Variants in ANKFN1 observed in about 807,000 individuals in gnomAD.
ANKFN1 encodes the protein ankyrin repeat and fibronectin type III domain containing 1.
Under a neutral mutation model 108.7 loss-of-function variants are expected in ANKFN1, and 74 were observed. That is an observed-to-expected ratio of 0.68 (90% confidence interval 0.56 to 0.83). The LOEUF is 0.83. Ranked by LOEUF, ANKFN1 falls within the 40% of genes least tolerant of loss-of-function variation. ANKFN1 has a pLI of 0.00. For missense variants in ANKFN1, 1,505 were observed against 1,382.3 expected (o/e 1.09, Z -1.41); for synonymous variants, 547 against 516.2 (o/e 1.06, Z -0.81).
chr17:56,153,558 G>T (rs767365114), intron 1 of ANKFN1, 28 bp downstream of exon 1: 2 of 1,613,202 alleles, frequency 1.2e-6, no homozygotes, highest in Non-Finnish European at 1.7e-6. Flanking sequence ...CTAAATATCG[G>T]TAATTGGTGT....
chr17:56,091,751 C>A (rs1318940162), intron 4 of ANKFN1, among the ~76,000 whole-genome samples: 1 of 151,382 alleles, frequency 6.6e-6, no homozygotes, highest in Non-Finnish European at 1.5e-5. Context: ...GCTAAAGCAG[C>A]CAGAGACTAT....
At chr17:56,425,351 T>C (rs1286716546) in intron 8 of ANKFN1, among the ~76,000 whole-genome samples, 1 of 152,220 alleles carries the variant, frequency 6.6e-6, no homozygotes, top group African/African-American at 2.4e-5. Flanking sequence ...ATCTGACATA[T>C]ATCATTGCAC....
In ANKFN1 at chr17:56,289,345, C is replaced by T. The variant is rs576958428; in HGVS notation, c.54-36876C>T. On this transcript the variant is annotated intron_variant, in intron 3 of 20. Transcript: ENST00000682825. ...AAACAGTTTTCCATTTTTTTTCTGC[C>T]CATCACTTAGGTCTGACTAGAAGGC... Among the ~76,000 whole-genome samples, 13 of 152,052 alleles carry T rather than the reference C, an allele frequency of 8.5e-5. No individual in the cohort carries two copies. The East Asian group carries it at 2.1e-3, about 25-fold the overall frequency.
intron 4 of ANKFN1, among the ~76,000 whole-genome samples, chr17:56,107,270 T>G (rs1161996384): frequency 6.6e-6 from 1 of 152,090 alleles, no homozygotes; most frequent in Admixed American, 6.5e-5. Flanking sequence ...GCCCAAGAAC[T>G]TAGGAAGTAA....
At chr17:56,428,403 A>C (rs941959589) in intron 8 of ANKFN1, among the ~76,000 whole-genome samples, 1 of 151,072 alleles carries the variant, frequency 6.6e-6, no homozygotes, top group Middle Eastern at 3.2e-3. Context: ...CTTTTGTGAC[A>C]TTAATTATAT....
chr17:56,466,661 C>T, intron 15 of ANKFN1, 90 bp downstream of exon 15: 1 of 1,124,988 alleles, frequency 8.9e-7, no homozygotes, highest in Non-Finnish European at 1.3e-6. Flanking sequence ...GAGCCATTTA[C>T]ATATGCAGTG....
At position 56,223,731 on chromosome 17, in the gene ANKFN1, C is replaced by T. The variant is rs538723881; in HGVS notation, c.13-4186C>T. Among the ~76,000 whole-genome samples the T allele has an allele frequency of 9.9e-5, 15 of 152,184 alleles. 1 individual carries two copies. The highest frequency in any genetic ancestry group is 3.4e-4 in the African/African-American group (14 of 41,510). On this transcript the variant is annotated intron_variant, in intron 2 of 20. Transcript: ENST00000682825. The stretch of plus-strand genomic sequence containing the variant: ...CAGAGACAAAAGAGGTCATGTCCCC[C>T]GATTATAACCATTTAAGGAACTAGT...
intron 3 of ANKFN1, among the ~76,000 whole-genome samples, chr17:56,230,753 A>G (rs961204922): frequency 6.6e-6 from 1 of 151,940 alleles, no homozygotes; most frequent in African/African-American, 2.4e-5. Flanking sequence ...TAAAATGCGC[A>G]ATTGCTTTTT....
chr17:56,303,881 A>G (rs2044743445), intron 3 of ANKFN1, among the ~76,000 whole-genome samples: 6 of 127,332 alleles, frequency 4.7e-5, no homozygotes, highest in Admixed American at 4.0e-4. Context: ...TAATTTTAGT[A>G]GAGACAGGGT....
At chr17:56,351,215 C>T (rs1044131052) in intron 5 of ANKFN1, among the ~76,000 whole-genome samples, 3 of 151,524 alleles carry the variant, frequency 2.0e-5, no homozygotes, top group African/African-American at 7.3e-5. Flanking sequence ...TTCACCACTA[C>T]ACCAAAAAAT....
At chr17:56,423,033 G>A (rs765742045) in intron 8 of ANKFN1, among the ~76,000 whole-genome samples, 2 of 152,154 alleles carry the variant, frequency 1.3e-5, no homozygotes, top group Non-Finnish European at 2.9e-5. Flanking sequence ...TCAAACTTTT[G>A]TCAACACCAT....
chr17:56,359,311 T>A (rs2046453699), intron 6 of ANKFN1, among the ~76,000 whole-genome samples: 1 of 152,204 alleles, frequency 6.6e-6, no homozygotes, highest in African/African-American at 2.4e-5. Flanking sequence ...TTGGGGCACC[T>A]TTTGTTGTTA....
chr17:56,078,374 C>T (rs1905205645), intron 4 of ANKFN1, among the ~76,000 whole-genome samples: 1 of 152,176 alleles, frequency 6.6e-6, no homozygotes, highest in African/African-American at 2.4e-5. Flanking sequence ...CAGCCTGTGT[C>T]ATACCATGAC....
At chr17:56,352,308 G>C (rs2046268723) in intron 5 of ANKFN1, among the ~76,000 whole-genome samples, 1 of 152,158 alleles carries the variant, frequency 6.6e-6, no homozygotes, top group Admixed American at 6.5e-5. Context: ...TATGTACTCA[G>C]CTAAAGCTGA....
intron 2 of ANKFN1, 90 bp from the exon 3 acceptor site, chr17:56,227,827 C>A: frequency 3.1e-6 from 3 of 953,406 alleles, no homozygotes; most frequent in Non-Finnish European, 4.7e-6. Context: ...TTTTTTTTTT[C>A]AATCAGTGGC....
chr17:56,345,557 G>C (rs974671893), intron 4 of ANKFN1, among the ~76,000 whole-genome samples: 2 of 152,114 alleles, frequency 1.3e-5, no homozygotes, highest in Admixed American at 1.3e-4. Context: ...AGCATCTGTT[G>C]TTTCAGGACT....
intron 8 of ANKFN1, among the ~76,000 whole-genome samples, chr17:56,434,249 T>C (rs961365148): frequency 3.3e-5 from 5 of 152,140 alleles, no homozygotes; most frequent in African/African-American, 4.8e-5. Context: ...GTACACGATA[T>C]ATGTAGAGAA....
At chr17:56,368,226 C>A in intron 6 of ANKFN1, 2 of 1,123,070 alleles carry the variant, frequency 1.8e-6, no homozygotes, top group South Asian at 1.9e-5. Flanking sequence ...ATTTTTTTAT[C>A]AAGAGGTATA....
chr17:56,352,708 C>T (rs1468495473), intron 5 of ANKFN1, among the ~76,000 whole-genome samples: 1 of 152,150 alleles, frequency 6.6e-6, no homozygotes, highest in East Asian at 1.9e-4. Context: ...AACCAATTTG[C>T]CATCCAGCCA....
Sources: gnomAD v4.1 joint callset for allele counts (sites outside exome capture counted in the v4.1 genomes callset) on GRCh38, gnomAD v4.1.1 for gene constraint, MANE v1.5 for transcripts, NCBI Gene and HGNC (gene_info 2026-07-23, HGNC 2026-07-21) for gene names.